The following DYRK1A variants were observed in gnomAD, a reference collection of about 807,000 sequenced individuals.
DYRK1A encodes dual specificity tyrosine-phosphorylation-regulated kinase 1A.
Under a neutral mutation model 79.7 loss-of-function variants are expected in DYRK1A, and 9 were observed. The ratio of observed to expected loss-of-function variants is 0.11; its 90% CI spans 0.07 to 0.20. The LOEUF (loss-of-function observed/expected upper bound fraction) is 0.20, where lower values mean the gene tolerates loss of function less well. DYRK1A is among the 10% of genes least tolerant of loss of function. The probability of loss-of-function intolerance (pLI) is 1.00; values close to 1 mark genes in which losing one functional copy is unlikely to be tolerated. For synonymous variants in DYRK1A, 349 were observed against 329.7 expected, an observed-to-expected ratio of 1.06 and a Z score of -0.63; for missense variants, 622 against 956.0, an observed-to-expected ratio of 0.65 and a Z score of 4.61.
chr21:37,400,966 A>G (rs575035162), intron 1 of DYRK1A, among the ~76,000 whole-genome samples: 9 of 152,178 alleles, frequency 5.9e-5, no homozygotes, highest in African/African-American at 2.2e-4. Flanking sequence ...CAACATGATG[A>G]GACCCTGTCT....
chr21:37,384,244 T>C (rs1486175090), intron 1 of DYRK1A, among the ~76,000 whole-genome samples: 1 of 152,192 alleles, frequency 6.6e-6, no homozygotes, highest in Admixed American at 6.5e-5. Context: ...GAAAGAGTTC[T>C]TATACATCTA....
intron 11 of DYRK1A, 131 bp downstream of exon 11, chr21:37,506,354 T>TG: frequency 6.4e-7 from 1 of 1,566,910 alleles, no homozygotes; most frequent in Non-Finnish European, 8.7e-7. Flanking sequence ...TCTAAGGAAA[T>TG]GTAAGTATTT....
At chr21:37,368,823 G>T (rs939066584) in intron 1 of DYRK1A, among the ~76,000 whole-genome samples, 26 of 152,124 alleles carry the variant, frequency 1.7e-4, no homozygotes, top group Non-Finnish European at 3.2e-4. Flanking sequence ...GGCAAATTTT[G>T]GAGTGATTCG....
At chr21:37,392,420 G>A (rs932026438) in intron 1 of DYRK1A, among the ~76,000 whole-genome samples, 1 of 152,108 alleles carries the variant, frequency 6.6e-6, no homozygotes, top group African/African-American at 2.4e-5. Context: ...GCATGTCTTG[G>A]TCTGTTTGTG....
At chr21:37,411,410 A>G (rs2050243218) in intron 1 of DYRK1A, among the ~76,000 whole-genome samples, 2 of 136,366 alleles carry the variant, frequency 1.5e-5, no homozygotes, top group Non-Finnish European at 3.1e-5. Context: ...GAAGGTTTGT[A>G]GTTTTGACTG....
upstream of DYRK1A, among the ~76,000 whole-genome samples, chr21:37,366,387 C>T (rs1430039677): frequency 6.9e-6 from 1 of 144,992 alleles, no homozygotes; most frequent in Non-Finnish European, 1.5e-5. Flanking sequence ...GCGCGCTCCC[C>T]GGGCCGCAGT....
At chr21:37,382,839 A>T (rs780387360) in intron 1 of DYRK1A, among the ~76,000 whole-genome samples, 2 of 152,252 alleles carry the variant, frequency 1.3e-5, no homozygotes, top group Non-Finnish European at 2.9e-5. Context: ...AGTGCCGTAA[A>T]GTTGAACATT....
At chr21:37,448,538 G>A (rs566157651) in intron 2 of DYRK1A, among the ~76,000 whole-genome samples, 16 of 152,114 alleles carry the variant, frequency 1.1e-4, no homozygotes, top group Non-Finnish European at 1.9e-4. Flanking sequence ...ATAATAATTT[G>A]TGGGAAAATA....
upstream of DYRK1A, among the ~76,000 whole-genome samples, chr21:37,366,517 C>T (rs990931396): frequency 4.6e-5 from 7 of 151,096 alleles, no homozygotes; most frequent in African/African-American, 9.7e-5. Flanking sequence ...AGCCGTCCCC[C>T]TCCTCTCCCC....
At chr21:37,430,499 T>C in intron 2 of DYRK1A, 1 of 800,464 alleles carries the variant, frequency 1.2e-6, no homozygotes, top group Non-Finnish European at 1.5e-6. Context: ...ACCGCGCAAA[T>C]ACCTGGGAAC....
intron 1 of DYRK1A, among the ~76,000 whole-genome samples, chr21:37,414,851 A>G (rs2050307607): frequency 6.6e-6 from 1 of 152,200 alleles, no homozygotes; most frequent in African/African-American, 2.4e-5. Context: ...ACCTGTGCAA[A>G]TCATTGTAAA....
At chr21:37,490,123 C>T in intron 6 of DYRK1A, 52 bp from the exon 7 acceptor site, 1 of 1,517,116 alleles carries the variant, frequency 6.6e-7, no homozygotes, top group Non-Finnish European at 9.0e-7. Flanking sequence ...GTGTTTGTTA[C>T]TCTCAGTTTA....
chr21:37,418,405 A>C (rs890811770), intron 1 of DYRK1A, among the ~76,000 whole-genome samples: 2 of 152,212 alleles, frequency 1.3e-5, no homozygotes, highest in African/African-American at 2.4e-5. Context: ...AATGAAATCT[A>C]ATTTCTAACA....
intron 1 of DYRK1A, among the ~76,000 whole-genome samples, chr21:37,380,600 G>C (rs1312833095): frequency 1.3e-5 from 2 of 152,048 alleles, no homozygotes; most frequent in African/African-American, 4.8e-5. Flanking sequence ...ATAAGACAAA[G>C]ATACAGACAT....
rs531327824 is a variant in DYRK1A at position 37,370,625 on chromosome 21, T to C, written c.-77+2997T>C. On this transcript the variant is annotated intron_variant, in intron 1 of 11. Transcript: ENST00000647188. ...TCACCCCTCCCCAAGAAAAAACTTATCTAAACCCAGCAAAACCCAAAAACT... is the reference window on the plus strand; with the variant it reads ...TCACCCCTCCCCAAGAAAAAACTTACCTAAACCCAGCAAAACCCAAAAACT... Among the ~76,000 whole-genome samples, 139 of 152,310 alleles carry C rather than the reference T, an allele frequency of 9.1e-4. 5 individuals carry two copies. The South Asian group carries it at 0.025, about 27-fold the overall frequency.
intron 2 of DYRK1A, among the ~76,000 whole-genome samples, chr21:37,423,159 A>G (rs1225541516): frequency 6.6e-6 from 1 of 152,158 alleles, no homozygotes; most frequent in Non-Finnish European, 1.5e-5. Flanking sequence ...CAAGGCATGC[A>G]GAGAGAAAGT....
intron 3 of DYRK1A, among the ~76,000 whole-genome samples, chr21:37,476,932 A>T (rs906811003): frequency 2.7e-5 from 4 of 150,394 alleles, no homozygotes; most frequent in African/African-American, 9.9e-5. Flanking sequence ...TTAGAGTTTG[A>T]GTATACATGC....
intron 1 of DYRK1A, among the ~76,000 whole-genome samples, chr21:37,380,642 G>A (rs1250870933): frequency 1.3e-5 from 2 of 152,064 alleles, no homozygotes; most frequent in Non-Finnish European, 2.9e-5. Flanking sequence ...TATAGGGAAG[G>A]TCAAAGAATA....
chr21:37,389,211 G>GTATA (rs75131809), intron 1 of DYRK1A, among the ~76,000 whole-genome samples: 6 of 150,256 alleles, frequency 4.0e-5, no homozygotes, highest in African/African-American at 9.8e-5. Flanking sequence ...TTTTAAAAAA[G>GTATA]TATATATATA....
Sources: allele counts gnomAD v4.1 joint callset (sites outside exome capture counted in the v4.1 genomes callset), GRCh38; gene constraint gnomAD v4.1.1; transcripts MANE v1.5; gene names NCBI Gene and HGNC (gene_info 2026-07-23, HGNC 2026-07-21).